The following ANAPC1 variants were observed in gnomAD, a reference collection of about 807,000 sequenced individuals.
ANAPC1 encodes the protein anaphase promoting complex subunit 1.
Under a neutral mutation model 208.0 loss-of-function variants are expected in ANAPC1, and 36 were observed. The observed-to-expected ratio is 0.17, with a 90% confidence interval of 0.13 to 0.23. ANAPC1 has a LOEUF of 0.23. Among genes scored for constraint, ANAPC1 ranks in the 10% least tolerant of loss-of-function variants. The pLI is 1.00. For synonymous variants in ANAPC1, 378 were observed against 695.2 expected, an observed-to-expected ratio of 0.54 and a Z score of 7.18; for missense variants, 942 against 2,011.6, an observed-to-expected ratio of 0.47 and a Z score of 10.17.
chr2:111,795,324 G>A (rs1232276920), intron 34 of ANAPC1, among the ~76,000 whole-genome samples: 1 of 151,212 alleles, frequency 6.6e-6, no homozygotes, highest in African/African-American at 2.4e-5. Context: ...GCAGGATGCA[G>A]TGAGCCAAGA....
intron 34 of ANAPC1, 37 bp from the exon 35 acceptor site, chr2:111,794,931 T>C: frequency 1.2e-6 from 1 of 852,046 alleles, no homozygotes; most frequent in Non-Finnish European, 1.8e-6. Flanking sequence ...TAGATATCAA[T>C]GTTCTCATTA....
At chr2:111,790,334 T>A (rs1677810619) in intron 38 of ANAPC1, among the ~76,000 whole-genome samples, 2 of 152,084 alleles carry the variant, frequency 1.3e-5, no homozygotes, top group Admixed American at 1.3e-4. Context: ...AAAAACACAC[T>A]TTTGAAGAAG....
intron 21 of ANAPC1, among the ~76,000 whole-genome samples, chr2:111,828,250 A>G (rs1464126783): frequency 6.6e-6 from 1 of 152,228 alleles, no homozygotes; most frequent in Non-Finnish European, 1.5e-5. Context: ...TAGGATGGCT[A>G]TAATTTTTAA....
intron 42 of ANAPC1, among the ~76,000 whole-genome samples, chr2:111,783,227 C>A (rs1677376746): frequency 6.6e-6 from 1 of 152,216 alleles, no homozygotes; most frequent in South Asian, 2.1e-4. Flanking sequence ...ATCAGCTTTA[C>A]TTTCTGACAT....
At chr2:111,821,618 T>C (rs1206685676) in intron 25 of ANAPC1, 165 bp from the exon 26 acceptor site, 2 of 591,834 alleles carry the variant, frequency 3.4e-6, no homozygotes, top group Non-Finnish European at 6.0e-6. Context: ...GGGACTCTAA[T>C]CTACAAATCT....
Position 111,794,253 on chromosome 2 carries a change from A to T in ANAPC1, c.4444T>A (p.Leu1482Ile). Residue 1482 changes from leucine (L) to isoleucine (I), a missense_variant, in exon 36 of 48, where the codon TTA becomes ATA. Physicochemically the swap from Leu to Ile is conservative, Grantham distance 5 (BLOSUM62 2). Coordinates refer to ENST00000341068, the MANE Select transcript of ANAPC1 (RefSeq NM_022662.4). The stretch of plus-strand genomic sequence containing the variant: ...CTTACCAAACAGTTAAATGCTGATA[A>T]GTTTTCTGAGCCAGCAAATCGAAAA... ...LGFRFAGSEN[L>I]SAFNCLHKFA... 6.2e-7 allele frequency: 1 copy of T among 1,612,926 alleles called. No individual in the cohort carries two copies. The highest frequency in any genetic ancestry group is 8.5e-7 in the Non-Finnish European group (1 of 1,179,494).
intron 3 of ANAPC1, among the ~76,000 whole-genome samples, chr2:111,876,509 A>G (rs1224109044): frequency 6.6e-6 from 1 of 152,240 alleles, no homozygotes; most frequent in African/African-American, 2.4e-5. Context: ...AGAATCTAGT[A>G]AATAGGCAAC....
Position 111,824,987 on chromosome 2 carries a change from C to T in ANAPC1, c.2791G>A (p.Val931Ile). ...TSVSSLAERLVVWMTNVGFTL... is the reference protein window; with the variant it reads ...TSVSSLAERLIVWMTNVGFTL... Reference sequence around the variant, plus strand: ...TCACCTACATTAGTCATCCAGACAACCAATCTTTCAGCTAGACTAGAAACA... The same window carrying T: ...TCACCTACATTAGTCATCCAGACAATCAATCTTTCAGCTAGACTAGAAACA... Residue 931 changes from valine (V) to isoleucine (I), a missense_variant, in exon 24 of 48, where the codon GTT becomes ATT. By Grantham distance (29) the Val-to-Ile change is conservative. Transcript: ENST00000341068. 6.2e-7 allele frequency: 1 copy of T among 1,613,862 alleles called. No homozygotes were observed.
chr2:111,878,444 C>T (rs550260695), intron 3 of ANAPC1, among the ~76,000 whole-genome samples: 1 of 152,284 alleles, frequency 6.6e-6, no homozygotes, highest in South Asian at 2.1e-4. Flanking sequence ...CATTATGAAT[C>T]CCACGATTTT....
intron 13 of ANAPC1, among the ~76,000 whole-genome samples, chr2:111,852,987 C>CA (rs138238351): frequency 3.3e-5 from 5 of 150,696 alleles, no homozygotes; most frequent in African/African-American, 9.8e-5. Flanking sequence ...GATACTGTAT[C>CA]AAAAAAAAAG....
intron 34 of ANAPC1, among the ~76,000 whole-genome samples, chr2:111,795,399 T>C (rs539697990): frequency 6.7e-6 from 1 of 148,180 alleles, no homozygotes; most frequent in South Asian, 2.1e-4. Flanking sequence ...AAAATAATAA[T>C]AATAATAATT....
chr2:111,855,868 TTGTA>T (rs1436083097), intron 13 of ANAPC1, among the ~76,000 whole-genome samples: 1 of 152,196 alleles, frequency 6.6e-6, no homozygotes, highest in African/African-American at 2.4e-5. Context: ...ATTATTCAAA[TTGTA>T]TGTATTTAAA....
At chr2:111,810,432 T>C (rs1678915169) in intron 28 of ANAPC1, among the ~76,000 whole-genome samples, 1 of 152,214 alleles carries the variant, frequency 6.6e-6, no homozygotes, top group Admixed American at 6.5e-5. Context: ...TAAAAACCAC[T>C]GTACCACATA....
intron 15 of ANAPC1, 38 bp downstream of exon 15, chr2:111,847,687 G>C (rs530585598): frequency 1.5e-6 from 2 of 1,348,922 alleles, no homozygotes; most frequent in South Asian, 4.0e-5. Flanking sequence ...TGAAATGCCA[G>C]CCCACTTCTT....
In ANAPC1 at chr2:111,769,424, T is replaced by C; in HGVS notation, c.5720-18A>G. The C allele has an allele frequency of 1.1e-6, 1 of 893,652 alleles. No individual in the cohort carries two copies. Among genetic ancestry groups the C allele is most frequent in the East Asian group, 2.5e-5 (1 of 40,150 alleles). The allele number at this position is 893,652 out of a possible 1,614,324, so 55.4% of individuals were successfully genotyped here. On this transcript the variant is annotated intron_variant, in intron 47 of 47. Transcript: ENST00000341068. The stretch of plus-strand genomic sequence containing the variant: ...TGTGCTCCCTAAAATGGAAATGGGG[T>C]GGGAAGGTCACATCTCTAAATAAAT...
intron 13 of ANAPC1, among the ~76,000 whole-genome samples, chr2:111,854,831 A>T (rs1252248173): frequency 6.6e-6 from 1 of 152,184 alleles, no homozygotes; most frequent in African/African-American, 2.4e-5. Context: ...TCCAGACACT[A>T]AAACTTTCTT....
At chr2:111,821,918 A>G (rs1288062295) in intron 25 of ANAPC1, among the ~76,000 whole-genome samples, 1 of 152,110 alleles carries the variant, frequency 6.6e-6, no homozygotes, top group Admixed American at 6.5e-5. Context: ...CTCTACTGAA[A>G]AAAACACATT....
At position 111,856,627 on chromosome 2, in the gene ANAPC1, G is replaced by A. The variant is rs1394048500; in HGVS notation, c.1502C>T (p.Thr501Ile). 9 of 1,613,848 alleles carry A rather than the reference G, an allele frequency of 5.6e-6. No homozygotes were observed. The highest frequency in any genetic ancestry group is 7.6e-6 in the Non-Finnish European group (9 of 1,179,800). Residue 501 changes from threonine to isoleucine, a missense_variant, in exon 13 of 48, where the codon ACA becomes ATA. Coordinates refer to ENST00000341068, the MANE Select transcript of ANAPC1 (RefSeq NM_022662.4). ...LEGSGNLVLY[T>I]GVVRVGKVFI... ...CTTATTGCTTACCCGAACCACTCCT[G>A]TGTATAGCACCAGGTTTCCACTGCC...
intron 35 of ANAPC1, 66 bp from the exon 36 acceptor site, chr2:111,794,389 A>G: frequency 3.1e-6 from 3 of 979,638 alleles, no homozygotes; most frequent in South Asian, 1.6e-5. Flanking sequence ...GAAATAAGTA[A>G]CAATAAATAT....
Sources: allele counts gnomAD v4.1 joint callset (sites outside exome capture counted in the v4.1 genomes callset), GRCh38; gene constraint gnomAD v4.1.1; transcripts MANE v1.5; gene names NCBI Gene and HGNC (gene_info 2026-07-23, HGNC 2026-07-21).